Variants in PLPPR1 observed in about 807,000 individuals in gnomAD.
PLPPR1 encodes the protein phospholipid phosphatase related 1.
In PLPPR1, 10 loss-of-function variants were observed where a neutral mutation model predicts 33.1. The ratio of observed to expected loss-of-function variants is 0.30; its 90% CI spans 0.19 to 0.51. The LOEUF (loss-of-function observed/expected upper bound fraction) is 0.51. Ranked by LOEUF, PLPPR1 falls within the 20% of genes least tolerant of loss-of-function variation. PLPPR1 has a pLI of 0.97. For synonymous variants in PLPPR1, 151 were observed against 151.0 expected, an observed-to-expected ratio of 1.00 and a Z score of 0.00; for missense variants, 304 against 408.1, an observed-to-expected ratio of 0.74 and a Z score of 2.20.
chr9:101,083,583 A>G (rs952550327), intron 1 of PLPPR1, among the ~76,000 whole-genome samples: 77 of 152,236 alleles, frequency 5.1e-4, no homozygotes, highest in African/African-American at 1.6e-3. Flanking sequence ...TACTCAAGGT[A>G]GATCTTTAAC....
At chr9:101,158,489 G>A (rs1831727482) in intron 1 of PLPPR1, among the ~76,000 whole-genome samples, 1 of 152,162 alleles carries the variant, frequency 6.6e-6, no homozygotes, top group African/African-American at 2.4e-5. Context: ...TCTTTGGTAA[G>A]CCGAGGAAAT....
intron 4 of PLPPR1, among the ~76,000 whole-genome samples, chr9:101,308,295 T>C (rs1416617233): frequency 4.0e-5 from 6 of 151,764 alleles, no homozygotes; most frequent in Non-Finnish European, 8.8e-5. Flanking sequence ...AAGGCAGAAG[T>C]TGGAATGATG....
At chr9:101,141,986 C>G (rs529978745) in intron 1 of PLPPR1, among the ~76,000 whole-genome samples, 1 of 152,144 alleles carries the variant, frequency 6.6e-6, no homozygotes, top group African/African-American at 2.4e-5. Context: ...TTCTTGGGCC[C>G]AATTGGTTCT....
At chr9:101,180,806 T>C (rs927827338) in intron 1 of PLPPR1, among the ~76,000 whole-genome samples, 2 of 151,734 alleles carry the variant, frequency 1.3e-5, no homozygotes, top group Admixed American at 1.3e-4. Context: ...ACAAGAGAAA[T>C]GCTTCACAAT....
At chr9:101,046,155 T>G (rs1830140510) in intron 1 of PLPPR1, among the ~76,000 whole-genome samples, 1 of 152,230 alleles carries the variant, frequency 6.6e-6, no homozygotes, top group Non-Finnish European at 1.5e-5. Context: ...TCCATTGCTG[T>G]GTGTGGACTT....
Position 101,098,130 on chromosome 9 carries a change from G to A in PLPPR1, c.-46+69028G>A, listed in dbSNP as rs537454464. The stretch of plus-strand genomic sequence containing the variant: ...GTTCAGAAATATCACTCTGGAGGCC[G>A]AGTGGAAGATAGATTGGAAATGTAG... On this transcript the variant is annotated intron_variant, in intron 1 of 7. Transcript: ENST00000374874. 9.2e-5 allele frequency among the ~76,000 whole-genome samples: 14 copies of A among 152,248 alleles called. No homozygotes were observed. In the East Asian group the frequency reaches 1.9e-3, roughly 21 times the overall value.
intron 1 of PLPPR1, among the ~76,000 whole-genome samples, chr9:101,164,532 T>C (rs1825824939): frequency 6.6e-6 from 1 of 152,010 alleles, no homozygotes; most frequent in Non-Finnish European, 1.5e-5. Context: ...ACAGCTAATT[T>C]TTTTAATGTA....
At chr9:101,281,912 T>G (rs12000720) in intron 3 of PLPPR1, among the ~76,000 whole-genome samples, 12,031 of 152,082 alleles carry the variant, frequency 0.079, 916 homozygotes, top group African/African-American at 0.2. Flanking sequence ...ACAAACTAGG[T>G]GATTGAATCA....
intron 1 of PLPPR1, among the ~76,000 whole-genome samples, chr9:101,141,382 ATCTTATTTAAT>A (rs1218870084): frequency 2.0e-5 from 3 of 152,304 alleles, no homozygotes; most frequent in Non-Finnish European, 4.4e-5. Context: ...GATGTGAATT[ATCTTATTTAAT>A]TCTGGGCACG....
intron 1 of PLPPR1, among the ~76,000 whole-genome samples, chr9:101,182,661 T>G (rs545867442): frequency 6.6e-6 from 1 of 151,822 alleles, no homozygotes; most frequent in South Asian, 2.1e-4. Flanking sequence ...CTTTGTATTG[T>G]GTGAATTTCA....
At chr9:101,085,369 C>A (rs1158913842) in intron 1 of PLPPR1, among the ~76,000 whole-genome samples, 2 of 152,128 alleles carry the variant, frequency 1.3e-5, no homozygotes, top group Non-Finnish European at 2.9e-5. Context: ...AGTTGCTACC[C>A]CTTGAATCTA....
At chr9:101,245,878 A>G (rs1303852017) in intron 2 of PLPPR1, among the ~76,000 whole-genome samples, 1 of 151,650 alleles carries the variant, frequency 6.6e-6, no homozygotes, top group African/African-American at 2.4e-5. Flanking sequence ...CATAGACTCC[A>G]AATAGGGTAA....
intron 4 of PLPPR1, among the ~76,000 whole-genome samples, chr9:101,306,053 T>C (rs1828854173): frequency 6.6e-6 from 1 of 152,188 alleles, no homozygotes; most frequent in African/African-American, 2.4e-5. Flanking sequence ...CCTTAGACAA[T>C]CCATGTTACT....
intron 4 of PLPPR1, among the ~76,000 whole-genome samples, chr9:101,295,626 A>G (rs1205948455): frequency 3.3e-5 from 5 of 149,902 alleles, no homozygotes; most frequent in Admixed American, 2.6e-4. Context: ...GGAACAGAAC[A>G]GAGCCCTCAG....
intron 1 of PLPPR1, among the ~76,000 whole-genome samples, chr9:101,089,732 T>C (rs146552296): frequency 1.3e-5 from 2 of 152,356 alleles, no homozygotes; most frequent in East Asian, 3.8e-4. Context: ...TTCATCATTA[T>C]AAACTTATCA....
chr9:101,280,999 T>C (rs982265328), intron 3 of PLPPR1, among the ~76,000 whole-genome samples: 10 of 152,112 alleles, frequency 6.6e-5, no homozygotes, highest in Admixed American at 6.5e-4. Context: ...GCAGACTATA[T>C]GATCTTATAT....
intron 1 of PLPPR1, among the ~76,000 whole-genome samples, chr9:101,134,865 G>A (rs568712868): frequency 5.9e-5 from 9 of 152,278 alleles, no homozygotes; most frequent in Non-Finnish European, 1.3e-4. Flanking sequence ...AACCTTGGGA[G>A]AATCAGAGGA....
chr9:101,129,251 T>C (rs1831285670), intron 1 of PLPPR1, among the ~76,000 whole-genome samples: 2 of 152,056 alleles, frequency 1.3e-5, no homozygotes, highest in Non-Finnish European at 1.5e-5. Context: ...ATTGGAACTC[T>C]CATTCACCAC....
chr9:101,088,201 G>A (rs1374224180), intron 1 of PLPPR1, among the ~76,000 whole-genome samples: 1 of 152,064 alleles, frequency 6.6e-6, no homozygotes, highest in Non-Finnish European at 1.5e-5. Flanking sequence ...AACGGTGCAG[G>A]TATGTCCAGA....
Sources: gnomAD v4.1 joint callset for allele counts (sites outside exome capture counted in the v4.1 genomes callset) on GRCh38, gnomAD v4.1.1 for gene constraint, MANE v1.5 for transcripts, NCBI Gene and HGNC (gene_info 2026-07-23, HGNC 2026-07-21) for gene names.